The following LUZP2 variants were observed in gnomAD, a reference collection of about 807,000 sequenced individuals.
LUZP2 encodes leucine zipper protein 2.
A neutral mutation model predicts 51.6 loss-of-function variants in LUZP2; 52 were observed. The observed-to-expected ratio is 1.01, with a 90% CI of 0.81 to 1.27. LUZP2 has a LOEUF of 1.27. LUZP2 is among the 50% of genes most tolerant of loss of function. LUZP2 has a pLI of 0.00. For missense variants in LUZP2, 436 were observed against 395.4 expected, an observed-to-expected ratio of 1.10 and a Z score of -0.87; for synonymous variants, 154 against 137.3, an observed-to-expected ratio of 1.12 and a Z score of -0.85.
At chr11:24,743,589 G>C in intron 4 of LUZP2, among the ~76,000 whole-genome samples, 1 of 152,102 alleles carries the variant, frequency 6.6e-6, no homozygotes, top group East Asian at 1.9e-4. Flanking sequence ...GAGCTTTTCA[G>C]AGGAGTCTTT....
At chr11:24,631,600 G>T (rs980692361) in intron 1 of LUZP2, among the ~76,000 whole-genome samples, 1 of 151,818 alleles carries the variant, frequency 6.6e-6, no homozygotes, top group South Asian at 2.1e-4. Flanking sequence ...AGTTCAGTTT[G>T]CTGGTATTTT....
At chr11:24,720,706 G>C (rs990227542) in intron 1 of LUZP2, among the ~76,000 whole-genome samples, 6 of 151,960 alleles carry the variant, frequency 3.9e-5, no homozygotes, top group Non-Finnish European at 7.4e-5. Context: ...TGTTTGTTTT[G>C]TTTTGTTTTG....
intron 1 of LUZP2, among the ~76,000 whole-genome samples, chr11:24,544,438 C>CT (rs1851478552): frequency 6.6e-6 from 1 of 152,044 alleles, no homozygotes; most frequent in Non-Finnish European, 1.5e-5. Context: ...ACTCTCTTCT[C>CT]CCACACTCCA....
intron 5 of LUZP2, among the ~76,000 whole-genome samples, chr11:24,862,344 G>A (rs1590655420): frequency 6.6e-6 from 1 of 152,128 alleles, no homozygotes; most frequent in Non-Finnish European, 1.5e-5. Context: ...AGACAAGCAA[G>A]TGCTGAGGTA....
intron 5 of LUZP2, chr11:24,890,984 T>C (rs1198501200): frequency 1.0e-6 from 1 of 973,724 alleles, no homozygotes; most frequent in South Asian, 4.8e-5. Flanking sequence ...GGCAAGCATC[T>C]CTTCAGTTAC....
intron 7 of LUZP2, among the ~76,000 whole-genome samples, chr11:24,922,447 C>T (rs1208396550): frequency 2.0e-5 from 3 of 152,092 alleles, no homozygotes; most frequent in Non-Finnish European, 4.4e-5. Flanking sequence ...TTTTTAAACT[C>T]TTGAGTAATT....
intron 9 of LUZP2, among the ~76,000 whole-genome samples, chr11:25,044,253 G>GTATATATATA (rs1446874239): frequency 1.3e-3 from 41 of 31,786 alleles, no homozygotes; most frequent in Non-Finnish European, 2.0e-3. Context: ...GTGTGTGTGT[G>GTATATATATA]TGTGTATATA....
intron 9 of LUZP2, among the ~76,000 whole-genome samples, chr11:24,987,695 G>A (rs1338434741): frequency 6.6e-6 from 1 of 151,958 alleles, no homozygotes; most frequent in Non-Finnish European, 1.5e-5. Context: ...CTCTTTAGGA[G>A]CTTAAAGACA....
chr11:25,072,560 GT>G (rs1310535398), intron 10 of LUZP2, among the ~76,000 whole-genome samples: 1 of 152,060 alleles, frequency 6.6e-6, no homozygotes, highest in Admixed American at 6.6e-5. Flanking sequence ...TACTGCAATA[GT>G]TTTCGATAAA....
intron 9 of LUZP2, among the ~76,000 whole-genome samples, chr11:25,027,662 G>A (rs1303698310): frequency 6.6e-6 from 1 of 151,958 alleles, no homozygotes; most frequent in Non-Finnish European, 1.5e-5. Flanking sequence ...ACGAAGTCAG[G>A]AGGTCAAGAT....
At chr11:24,830,631 C>T (rs1223779189) in intron 5 of LUZP2, among the ~76,000 whole-genome samples, 1 of 152,120 alleles carries the variant, frequency 6.6e-6, no homozygotes, top group Admixed American at 6.5e-5. Context: ...AAAATAGCTA[C>T]TATTATTACC....
chr11:24,623,279 T>C (rs2133910689), intron 1 of LUZP2, among the ~76,000 whole-genome samples: 1 of 152,230 alleles, frequency 6.6e-6, no homozygotes, highest in Non-Finnish European at 1.5e-5. Flanking sequence ...TTAAAGAGGA[T>C]TGCAAAACTC....
intron 10 of LUZP2, among the ~76,000 whole-genome samples, chr11:25,075,157 TACA>T (rs1011408662): frequency 3.9e-5 from 6 of 152,300 alleles, no homozygotes; most frequent in Admixed American, 2.0e-4. Context: ...TTATAAATCA[TACA>T]ACAAGAAATT....
At chr11:24,512,753 GTT>G (rs752175146) in intron 1 of LUZP2, among the ~76,000 whole-genome samples, 2 of 140,820 alleles carry the variant, frequency 1.4e-5, no homozygotes, top group Non-Finnish European at 3.1e-5. Context: ...TTTTTTCTTT[GTT>G]TTTTTTTTTT....
intron 5 of LUZP2, among the ~76,000 whole-genome samples, chr11:24,883,979 T>C (rs1189517213): frequency 6.6e-6 from 1 of 152,014 alleles, no homozygotes; most frequent in Non-Finnish European, 1.5e-5. Context: ...GAAGTGGCTT[T>C]ATTGATGCTG....
chr11:24,560,923 G>A (rs1852019605), intron 1 of LUZP2, among the ~76,000 whole-genome samples: 1 of 152,094 alleles, frequency 6.6e-6, no homozygotes, highest in Admixed American at 6.6e-5. Context: ...TCTAAAACTG[G>A]TAAGAGTATT....
chr11:25,017,966 T>G (rs1227078265), intron 9 of LUZP2, among the ~76,000 whole-genome samples: 1 of 152,174 alleles, frequency 6.6e-6, no homozygotes, highest in Non-Finnish European at 1.5e-5. Context: ...CAGAGTTGTT[T>G]TGTAGTTCTC....
At chr11:24,548,241 A>G (rs978880695) in intron 1 of LUZP2, among the ~76,000 whole-genome samples, 1 of 152,108 alleles carries the variant, frequency 6.6e-6, no homozygotes, top group Non-Finnish European at 1.5e-5. Context: ...CCATAAAGAC[A>G]CAGACATGCA....
intron 1 of LUZP2, among the ~76,000 whole-genome samples, chr11:24,596,401 C>T (rs1016249479): frequency 5.9e-5 from 9 of 152,118 alleles, no homozygotes; most frequent in Admixed American, 4.6e-4. Flanking sequence ...TTCATTTGAA[C>T]TAAACTTAAT....
Sources: gnomAD v4.1 joint callset for allele counts (sites outside exome capture counted in the v4.1 genomes callset) on GRCh38, gnomAD v4.1.1 for gene constraint, MANE v1.5 for transcripts, NCBI Gene and HGNC (gene_info 2026-07-23, HGNC 2026-07-21) for gene names.